XYLT1: variants seen among roughly 807,000 people sequenced by gnomAD.
XYLT1 encodes the protein beta-D-xylosyltransferase 1.
Under a neutral mutation model 91.3 loss-of-function variants are expected in XYLT1, and 36 were observed. The observed-to-expected ratio is 0.39, with a 90% CI of 0.30 to 0.52. XYLT1 has a LOEUF of 0.52. Among genes scored for constraint, XYLT1 ranks in the 20% least tolerant of loss-of-function variants. The probability of loss-of-function intolerance (pLI) is 0.68; values close to 1 mark genes in which losing one functional copy is unlikely to be tolerated. For synonymous variants in XYLT1, 588 were observed against 532.0 expected (o/e 1.11, Z -1.45); for missense variants, 1,242 against 1,284.5 (o/e 0.97, Z 0.51).
At chr16:17,459,507 A>G (rs555082927) in intron 1 of XYLT1, among the ~76,000 whole-genome samples, 1 of 152,298 alleles carries the variant, frequency 6.6e-6, no homozygotes, top group South Asian at 2.1e-4. Context: ...TGGTGTCTAT[A>G]CCATATTTTG....
chr16:17,446,611 G>A (rs1596550397), intron 1 of XYLT1, among the ~76,000 whole-genome samples: 1 of 152,234 alleles, frequency 6.6e-6, no homozygotes, highest in Admixed American at 6.5e-5. Flanking sequence ...AGTCTTGGGA[G>A]TGAGACCTGC....
intron 1 of XYLT1, 101 bp downstream of exon 1, chr16:17,470,333 A>C (rs1826818222): frequency 3.4e-6 from 4 of 1,179,714 alleles, no homozygotes; most frequent in Middle Eastern, 3.1e-4. Flanking sequence ...AGGCTTGCAG[A>C]GTCCCAGTCT....
At chr16:17,304,918 T>C (rs2034449487) in intron 2 of XYLT1, among the ~76,000 whole-genome samples, 1 of 152,200 alleles carries the variant, frequency 6.6e-6, no homozygotes, top group Non-Finnish European at 1.5e-5. Flanking sequence ...CTAAGTTTCT[T>C]GGCAAACTCA....
intron 1 of XYLT1, among the ~76,000 whole-genome samples, chr16:17,458,689 A>C (rs116187277): frequency 1.5e-3 from 229 of 152,308 alleles, no homozygotes; most frequent in African/African-American, 5.1e-3. Flanking sequence ...CTTGATCGTC[A>C]TTAACCAACC....
At chr16:17,227,105 G>C (rs1325961716) in intron 3 of XYLT1, 1 of 152,262 alleles carries the variant, frequency 6.6e-6, no homozygotes, top group African/African-American at 2.4e-5. Context: ...GCAGGTACCA[G>C]GGGTGTGAAG....
At chr16:17,434,743 C>A (rs903947481) in intron 1 of XYLT1, among the ~76,000 whole-genome samples, 13 of 152,226 alleles carry the variant, frequency 8.5e-5, no homozygotes, top group Non-Finnish European at 1.8e-4. Flanking sequence ...TAGCACACAT[C>A]TGTAGCCCCA....
rs2036717751 is a variant in XYLT1, at chr16:17,454,903, T to TTCCCCCCC, written c.363+15530_363+15531insGGGGGGGA. On this transcript the variant is annotated intron_variant, in intron 1 of 11. Coordinates refer to ENST00000261381, the MANE Select transcript of XYLT1 (RefSeq NM_022166.4). ...CGCGTCACAAAATATCATTCTTTCC[T>TTCCCCCCC]CCCCCCCCCGCCCCCCCCCGCAACT... Among the ~76,000 whole-genome samples, 5 of 36,972 alleles carry TTCCCCCCC rather than the reference T, an allele frequency of 1.4e-4. 2 individuals are homozygous for TTCCCCCCC. The highest frequency in any genetic ancestry group is 9.3e-4 in the African/African-American group (5 of 5,362). 24.3% of individuals were successfully genotyped at this position (36,972 alleles called of 152,430 possible). A position where few individuals can be genotyped will look rare whatever the true frequency, so the allele number is the denominator to read the frequency against.
rs372402712 is a variant in XYLT1 at position 17,425,328 on chromosome 16, G to A, written c.363+45106C>T. On this transcript the variant is annotated intron_variant, in intron 1 of 11. Coordinates refer to ENST00000261381, the MANE Select transcript of XYLT1 (RefSeq NM_022166.4). ...TGCATTGTAGGGTGAGACCCAGAAG[G>A]CTGCTCATTAACATCGTCTATATAT... 3.9e-5 allele frequency among the ~76,000 whole-genome samples: 6 copies of A among 152,190 alleles called. No individual in the cohort carries two copies. In the South Asian group the frequency reaches 1.0e-3, roughly 26 times the overall value.
At chr16:17,214,229 T>C (rs1269972829) in intron 3 of XYLT1, among the ~76,000 whole-genome samples, 2 of 152,200 alleles carry the variant, frequency 1.3e-5, no homozygotes, top group Non-Finnish European at 2.9e-5. Flanking sequence ...CTGGAAAGGC[T>C]ACATAGCAGA....
chr16:17,310,169 C>G (rs970177971), intron 2 of XYLT1, among the ~76,000 whole-genome samples: 1 of 152,210 alleles, frequency 6.6e-6, no homozygotes, highest in South Asian at 2.1e-4. Context: ...GGTTCATTCA[C>G]TTCCCTCCAG....
chr16:17,293,731 C>T (rs534570108), intron 2 of XYLT1, among the ~76,000 whole-genome samples: 3 of 152,082 alleles, frequency 2.0e-5, no homozygotes, highest in East Asian at 3.9e-4. Context: ...TCAAGTGATC[C>T]TCCCTCCTCG....
chr16:17,278,085 G>A (rs1349841531), intron 2 of XYLT1, among the ~76,000 whole-genome samples: 2 of 152,170 alleles, frequency 1.3e-5, no homozygotes, highest in African/African-American at 2.4e-5. Context: ...TCTAGTTCGG[G>A]TAGACAGTTT....
chr16:17,298,049 G>C (rs540522227), intron 2 of XYLT1, among the ~76,000 whole-genome samples: 7 of 152,118 alleles, frequency 4.6e-5, no homozygotes, highest in African/African-American at 1.7e-4. Context: ...TTCCTGCCGA[G>C]GGAGCCAGTG....
intron 8 of XYLT1, among the ~76,000 whole-genome samples, chr16:17,137,258 G>A (rs1471582081): frequency 1.3e-5 from 2 of 152,118 alleles, no homozygotes; most frequent in Non-Finnish European, 2.9e-5. Context: ...TTCCTTACCT[G>A]AACAATAAAA....
chr16:17,241,693 C>T lies in XYLT1; in HGVS notation c.913+17295G>A, dbSNP rs540170036. Reference sequence around the variant, plus strand: ...CCCCTGGGAACTTGCTGCTTCCTTACGAGTCTCTTACTCCCAGGTTATGAA... The same window carrying T: ...CCCCTGGGAACTTGCTGCTTCCTTATGAGTCTCTTACTCCCAGGTTATGAA... On this transcript the variant is annotated intron_variant, in intron 3 of 11. Coordinates refer to ENST00000261381, the MANE Select transcript of XYLT1 (RefSeq NM_022166.4). Among the ~76,000 whole-genome samples, 67 of 152,308 alleles carry T rather than the reference C, an allele frequency of 4.4e-4. 1 individual carries two copies. The highest frequency in any genetic ancestry group is 1.5e-3 in the African/African-American group (63 of 41,568).
At chr16:17,310,852 A>G (rs1359280461) in intron 2 of XYLT1, among the ~76,000 whole-genome samples, 1 of 152,122 alleles carries the variant, frequency 6.6e-6, no homozygotes, top group East Asian at 1.9e-4. Context: ...CCATCTCAAA[A>G]ATAATAATAA....
At chr16:17,302,315 CATAAG>C (rs1168103380) in intron 2 of XYLT1, among the ~76,000 whole-genome samples, 1 of 152,182 alleles carries the variant, frequency 6.6e-6, no homozygotes, top group Non-Finnish European at 1.5e-5. Context: ...TGAGTATCAG[CATAAG>C]ATGTCGAGTC....
At chr16:17,262,587 G>T (rs968431751) in intron 2 of XYLT1, among the ~76,000 whole-genome samples, 2 of 152,212 alleles carry the variant, frequency 1.3e-5, no homozygotes, top group South Asian at 2.1e-4. Context: ...TTCCTTCTAG[G>T]GATGTGTTAG....
chr16:17,125,816 G>T (rs1410780581), intron 10 of XYLT1, among the ~76,000 whole-genome samples: 1 of 152,136 alleles, frequency 6.6e-6, no homozygotes, highest in Non-Finnish European at 1.5e-5. Context: ...ACAGGGGCCT[G>T]GTTTGTTTGG....
Sources: allele counts gnomAD v4.1 joint callset (sites outside exome capture counted in the v4.1 genomes callset), GRCh38; gene constraint gnomAD v4.1.1; transcripts MANE v1.5; gene names NCBI Gene and HGNC (gene_info 2026-07-23, HGNC 2026-07-21).